Variants in SREBF1 observed in about 807,000 individuals in gnomAD.
SREBF1 encodes sterol regulatory element-binding protein 1.
A neutral mutation model predicts 100.1 loss-of-function variants in SREBF1; 45 were observed. That is an observed-to-expected ratio of 0.45 (90% CI 0.35 to 0.58). The LOEUF (loss-of-function observed/expected upper bound fraction) is 0.58. Ranked by LOEUF, SREBF1 falls within the 20% of genes least tolerant of loss-of-function variation. The pLI is 0.00. For missense variants in SREBF1, 1,324 were observed against 1,539.4 expected, an observed-to-expected ratio of 0.86 and a Z score of 2.34; for synonymous variants, 657 against 681.8, an observed-to-expected ratio of 0.96 and a Z score of 0.57.
rs763131303 is a variant in SREBF1, at chr17:17,836,737, G to A, written c.81C>T (p.Thr27=). The A allele has an allele frequency of 2.5e-6, 4 of 1,571,222 alleles. No homozygotes were observed. Among genetic ancestry groups the A allele is most frequent in the Non-Finnish European group, 2.6e-6 (3 of 1,166,324 alleles). The change falls in exon 1 of 19, where the codon ACC becomes ACT. Residue 27 remains threonine, a synonymous_variant. Transcript: ENST00000261646. ...CCCGCCCTGACGCACCTTCGATGTC[G>A]GTCAGCAGCGCCGCGTCCAGATCGC... The part of the protein sequence containing the change: ...EPCDLDAALL[T]DIEDMLQLIN...
rs541528658 is a variant in SREBF1 at position 17,824,054 on chromosome 17, C to A, written c.92-3533G>T. ...CTGGTTCGCTGGCACCCTGAGCGAGCCTTAACCGCTCCAACCCTCCGTTTA... is the reference window on the plus strand; with the variant it reads ...CTGGTTCGCTGGCACCCTGAGCGAGACTTAACCGCTCCAACCCTCCGTTTA... On this transcript the variant is annotated intron_variant, in intron 1 of 18. Transcript: ENST00000261646. The surrounding 1 kb of genome is among the most constrained non-coding windows in gnomAD (Gnocchi z 4.2). Among the ~76,000 whole-genome samples the A allele has an allele frequency of 6.6e-6, 1 of 152,180 alleles. No homozygotes were observed. Among genetic ancestry groups the A allele is most frequent in the South Asian group, 2.1e-4 (1 of 4,834 alleles).
intron 2 of SREBF1, 125 bp downstream of exon 2, chr17:17,819,965 C>A (rs1598124602): frequency 1.6e-6 from 2 of 1,221,420 alleles, no homozygotes; most frequent in Non-Finnish European, 2.2e-6. Context: ...GCATCTCAAG[C>A]AGCCGAGTGG....
chr17:17,811,433 TACA>T lies in SREBF1; in HGVS notation c.*1186_*1188del, dbSNP rs1319120456. The T allele has an allele frequency of 5.0e-6, 1 of 199,592 alleles. No individual in the cohort carries two copies. The highest frequency in any genetic ancestry group is 2.8e-5 in the African/African-American group (1 of 36,116). The allele number at this position is 199,592 out of a possible 1,614,324, so 12.4% of individuals were successfully genotyped here. A position where few individuals can be genotyped will look rare whatever the true frequency, so the allele number is the denominator to read the frequency against. ...AAAAAAAAAAAAAAGTCAATAAAGA[TACA>T]ACGATTGTTTTGGAAAATCTGCAGC... On this transcript the variant is annotated 3_prime_UTR_variant, in exon 19 of 19. Coordinates refer to ENST00000261646, the MANE Select transcript of SREBF1 (RefSeq NM_004176.5).
chr17:17,835,385 G>A (rs1332398378), intron 1 of SREBF1, among the ~76,000 whole-genome samples: 1 of 152,202 alleles, frequency 6.6e-6, no homozygotes, highest in African/African-American at 2.4e-5. Flanking sequence ...CCTCTCCTCT[G>A]GGGTCCTCCC....
chr17:17,823,425 A>C (rs1047872125), intron 1 of SREBF1: 1 of 977,648 alleles, frequency 1.0e-6, no homozygotes, highest in African/African-American at 1.6e-5. Context: ...TTCCTGCTCA[A>C]GTTGCGTAGC....
intron 2 of SREBF1, 169 bp downstream of exon 2, chr17:17,819,921 C>T (rs956834550): frequency 5.4e-5 from 62 of 1,143,376 alleles, no homozygotes; most frequent in African/African-American, 3.0e-4. Context: ...GCGCCTACCC[C>T]GGCAACAAGC....
chr17:17,815,351 TG>T, intron 12 of SREBF1, 22 bp from the exon 13 acceptor site: 1 of 1,596,448 alleles, frequency 6.3e-7, no homozygotes, highest in Admixed American at 1.7e-5. Flanking sequence ...AGGAGGTGAG[TG>T]GGGTGGGGAG....
intron 1 of SREBF1, among the ~76,000 whole-genome samples, chr17:17,829,613 C>G (rs2034732023): frequency 6.6e-6 from 1 of 152,122 alleles, no homozygotes; most frequent in Admixed American, 6.6e-5. Context: ...CCGTCCTCCC[C>G]CAGCCAGAAA....
At chr17:17,835,413 G>A (rs889082792) in intron 1 of SREBF1, among the ~76,000 whole-genome samples, 4 of 152,186 alleles carry the variant, frequency 2.6e-5, no homozygotes, top group African/African-American at 9.7e-5. Context: ...AGCCCCAGGG[G>A]GAAGGAGGGA....
At position 17,812,696 on chromosome 17, in the gene SREBF1, C is replaced by G. The variant is rs764419751; in HGVS notation, c.3370G>C (p.Asp1124His). 2 of 1,604,614 alleles carry G rather than the reference C, an allele frequency of 1.2e-6. No individual in the cohort carries two copies. Among genetic ancestry groups the G allele is most frequent in the East Asian group, 2.2e-5 (1 of 44,558 alleles). The change falls in exon 19 of 19, where the codon GAT becomes CAT. Residue 1124 changes from aspartate (D) to histidine (H), a missense_variant. Asp to His is a moderately conservative substitution (Grantham distance 81). Transcript: ENST00000261646. Reference protein sequence around the residue: ...EAARTLEKLGDRRLLHDCQQM... With the variant: ...EAARTLEKLGHRRLLHDCQQM... ...TGACAGTCGTGCAGCAGCCGGCGAT[C>G]GCCAAGCTTCTCGAGTGTGCGCGCC...
At chr17:17,819,270 T>C in intron 4 of SREBF1, 36 bp from the exon 5 acceptor site, 1 of 1,608,726 alleles carries the variant, frequency 6.2e-7, no homozygotes, top group East Asian at 2.2e-5. Context: ...GGTGGGCATG[T>C]GTGTGTGTGT....
chr17:17,819,157 G>T lies in SREBF1; in HGVS notation c.924C>A (p.Leu308=). 1 of 1,614,144 alleles carries T rather than the reference G, an allele frequency of 6.2e-7. No homozygotes were observed. Among genetic ancestry groups the T allele is most frequent in the Non-Finnish European group, 8.5e-7 (1 of 1,180,050 alleles). ...AGGCCGGGGCCTTGCTGCCAGCTGC[G>T]AGCCGGTTGATAGGCAGCTTCTCCG... The part of the protein sequence containing the change: ...VDAEKLPINR[L]AAGSKAPASA... The change falls in exon 5 of 19, where the codon CTC becomes CTA. Residue 308 remains leucine, a synonymous_variant. Transcript: ENST00000261646.
At position 17,814,208 on chromosome 17, in the gene SREBF1, C is replaced by A. The variant is rs981584094; in HGVS notation, c.2901+37G>T. 3.2e-6 allele frequency: 5 copies of A among 1,575,442 alleles called. No individual in the cohort carries two copies. The South Asian group carries it at 3.5e-5, about 11-fold the overall frequency. On this transcript the variant is annotated intron_variant, in intron 16 of 18. Coordinates refer to ENST00000261646, the MANE Select transcript of SREBF1 (RefSeq NM_004176.5). ...GGAACCAGGGAATGGAAAGCTGAAT[C>A]CCCCAGCCCTGCCAGGCCCCTGACC...
At chr17:17,836,514 C>A (rs1023797019) in intron 1 of SREBF1, among the ~76,000 whole-genome samples, 1 of 152,178 alleles carries the variant, frequency 6.6e-6, no homozygotes, top group African/African-American at 2.4e-5. Flanking sequence ...GGCCCAGGAG[C>A]CCTCACCCAC....
chr17:17,819,462 T>C lies in SREBF1; in HGVS notation c.712-8A>G, dbSNP rs776407617. On this transcript the variant is annotated splice_polypyrimidine_tract_variant and splice_region_variant and intron_variant, in intron 3 of 18. Coordinates refer to ENST00000261646, the MANE Select transcript of SREBF1 (RefSeq NM_004176.5). ...GTGGGGCTGCAGCAGGACCTGAGGGTGGGAGAGGCTTGGCTGTAAGCTGTG... is the reference window on the plus strand; with the variant it reads ...GTGGGGCTGCAGCAGGACCTGAGGGCGGGAGAGGCTTGGCTGTAAGCTGTG... 2.5e-6 allele frequency: 4 copies of C among 1,613,452 alleles called. No individual in the cohort carries two copies. Among genetic ancestry groups the C allele is most frequent in the Middle Eastern group, 1.6e-4 (1 of 6,062 alleles).
chr17:17,833,301 G>A (rs1255030060), intron 1 of SREBF1, among the ~76,000 whole-genome samples: 2 of 150,164 alleles, frequency 1.3e-5, no homozygotes, highest in Non-Finnish European at 3.0e-5. Context: ...GCAGGTGCCT[G>A]TAATCCCAGC....
Position 17,818,479 on chromosome 17 carries a change from T to G in SREBF1, c.1069-105A>C, listed in dbSNP as rs1418107923. The G allele has an allele frequency of 5.1e-6, 4 of 784,808 alleles. No individual in the cohort carries two copies. In the Admixed American group the frequency reaches 7.9e-5, roughly 15 times the overall value. The allele number at this position is 784,808 out of a possible 1,614,324, so 48.6% of individuals were successfully genotyped here. On this transcript the variant is annotated intron_variant, in intron 5 of 18. Coordinates refer to ENST00000261646, the MANE Select transcript of SREBF1 (RefSeq NM_004176.5). ...GGGGTGCGGAGCTGCTTTGCAACATTACTGCCTCAGGACCTTTGCACTTGT... is the reference window on the plus strand; with the variant it reads ...GGGGTGCGGAGCTGCTTTGCAACATGACTGCCTCAGGACCTTTGCACTTGT...
At chr17:17,832,250 T>A (rs539729973) in intron 1 of SREBF1, among the ~76,000 whole-genome samples, 1 of 152,250 alleles carries the variant, frequency 6.6e-6, no homozygotes, top group South Asian at 2.1e-4. Flanking sequence ...CTACTTGGGG[T>A]TGTCAGGGGA....
chr17:17,818,754 G>C (rs1255919485), intron 5 of SREBF1: 1 of 588,322 alleles, frequency 1.7e-6, no homozygotes, highest in Admixed American at 2.9e-5. Flanking sequence ...CCACCAGAAG[G>C]TCGGCTCTTC....
Sources: allele counts gnomAD v4.1 joint callset (sites outside exome capture counted in the v4.1 genomes callset), GRCh38; gene constraint gnomAD v4.1.1; non-coding constraint Gnocchi (gnomAD v3.1); transcripts MANE v1.5; gene names NCBI Gene and HGNC (gene_info 2026-07-23, HGNC 2026-07-21).